The following PDGFD variants were observed in gnomAD, a reference collection of about 807,000 sequenced individuals.
PDGFD encodes platelet derived growth factor D, also known as platelet-derived growth factor D.
In PDGFD, 30 loss-of-function variants were observed where a neutral mutation model predicts 44.7. The ratio of observed to expected loss-of-function variants is 0.67; its 90% CI spans 0.50 to 0.91. The LOEUF (loss-of-function observed/expected upper bound fraction) is 0.91, where lower values mean the gene tolerates loss of function less well. Ranked by LOEUF, PDGFD falls within the 40% of genes least tolerant of loss-of-function variation. The pLI, the probability that PDGFD is intolerant of heterozygous loss-of-function variation, is 0.00. For synonymous variants in PDGFD, 173 were observed against 168.4 expected (o/e 1.03, Z -0.21); for missense variants, 445 against 457.8 (o/e 0.97, Z 0.25).
At chr11:104,004,083 T>G (rs1284695007) in intron 1 of PDGFD, among the ~76,000 whole-genome samples, 1 of 152,188 alleles carries the variant, frequency 6.6e-6, no homozygotes, top group Non-Finnish European at 1.5e-5. Context: ...CTTTTCTAAG[T>G]ATAAAAGGGG....
chr11:103,966,822 C>T (rs1591098879), intron 3 of PDGFD, among the ~76,000 whole-genome samples: 1 of 132,318 alleles, frequency 7.6e-6, no homozygotes, highest in Admixed American at 8.1e-5. Flanking sequence ...CCCTGAATCG[C>T]TGCAGGCACA....
At chr11:104,119,867 T>G (rs911808206) in intron 1 of PDGFD, among the ~76,000 whole-genome samples, 1 of 80,768 alleles carries the variant, frequency 1.2e-5, no homozygotes, top group African/African-American at 3.9e-5. Context: ...ATATTATATA[T>G]ATAATCAATT....
chr11:104,113,975 C>A (rs181116803), intron 1 of PDGFD, among the ~76,000 whole-genome samples: 139 of 152,080 alleles, frequency 9.1e-4, no homozygotes, highest in African/African-American at 2.9e-3. Context: ...GTTAAGAGTT[C>A]TTTGCATATT....
chr11:104,099,740 T>C (rs1457416115), intron 1 of PDGFD, among the ~76,000 whole-genome samples: 1 of 151,410 alleles, frequency 6.6e-6, no homozygotes, highest in African/African-American at 2.4e-5. Context: ...AATTGCTTCA[T>C]TTACTATTCT....
At chr11:103,910,101 T>C (rs531781075) in intron 6 of PDGFD, among the ~76,000 whole-genome samples, 5 of 152,304 alleles carry the variant, frequency 3.3e-5, no homozygotes, top group East Asian at 1.9e-4. Context: ...TATTTATTAA[T>C]AGCTTTCTAA....
intron 1 of PDGFD, among the ~76,000 whole-genome samples, chr11:104,013,811 G>A (rs1859821149): frequency 6.6e-6 from 1 of 151,676 alleles, no homozygotes; most frequent in South Asian, 2.1e-4. Context: ...TTGCAATTGT[G>A]GCAAAATAGA....
intron 1 of PDGFD, among the ~76,000 whole-genome samples, chr11:104,135,436 A>C (rs1861989917): frequency 6.6e-6 from 1 of 152,226 alleles, no homozygotes; most frequent in African/African-American, 2.4e-5. Flanking sequence ...AATATGTATG[A>C]AATTCCAGAA....
At position 103,989,000 on chromosome 11, in the gene PDGFD, A is replaced by T. The variant is rs187071364; in HGVS notation, c.510+7065T>A. 1.6e-4 allele frequency among the ~76,000 whole-genome samples: 25 copies of T among 152,260 alleles called. 1 individual carries two copies. In the East Asian group the frequency reaches 4.8e-3, roughly 29 times the overall value. ...GTGAAATCCTCAAAGTAATCAAAAA[A>T]GGTTAGATACTATTATTCATCTTAT... On this transcript the variant is annotated intron_variant, in intron 3 of 6. Coordinates refer to ENST00000393158, the MANE Select transcript of PDGFD (RefSeq NM_025208.5).
Position 104,046,904 on chromosome 11 carries a change from C to T in PDGFD, c.125-46649G>A, listed in dbSNP as rs766847719. On this transcript the variant is annotated intron_variant, in intron 1 of 6. Coordinates refer to ENST00000393158, the MANE Select transcript of PDGFD (RefSeq NM_025208.5). ...TATCCCTCCCCTAGCCCTCCACCCC[C>T]GACAGGCTCCAGTGTATGATGTTCC... Among the ~76,000 whole-genome samples the T allele has an allele frequency of 5.5e-5, 8 of 146,162 alleles. 2 individuals are homozygous for T. Among genetic ancestry groups the T allele is most frequent in the Non-Finnish European group, 1.2e-4 (8 of 65,584 alleles).
chr11:104,136,746 A>C (rs563110218), intron 1 of PDGFD, among the ~76,000 whole-genome samples: 1 of 152,346 alleles, frequency 6.6e-6, no homozygotes, highest in East Asian at 1.9e-4. Context: ...ACTAAATCTA[A>C]GTCAACACAC....
intron 1 of PDGFD, among the ~76,000 whole-genome samples, chr11:104,132,764 T>C (rs1861942474): frequency 6.6e-6 from 1 of 152,114 alleles, no homozygotes; most frequent in Admixed American, 6.6e-5. Flanking sequence ...AAATGGAGAT[T>C]ATGAGTACAA....
chr11:103,959,379 T>C (rs887124039), intron 3 of PDGFD, among the ~76,000 whole-genome samples: 1 of 152,218 alleles, frequency 6.6e-6, no homozygotes, highest in Non-Finnish European at 1.5e-5. Flanking sequence ...GACTTCTTTC[T>C]AAGGGGATTT....
chr11:104,042,187 G>A (rs527256184), intron 1 of PDGFD, among the ~76,000 whole-genome samples: 3 of 152,310 alleles, frequency 2.0e-5, no homozygotes, highest in Admixed American at 6.5e-5. Context: ...CGATTTATAT[G>A]GTGGGAACTG....
chr11:104,138,230 G>GA (rs1179055669), intron 1 of PDGFD, among the ~76,000 whole-genome samples: 2 of 151,832 alleles, frequency 1.3e-5, no homozygotes, highest in East Asian at 1.9e-4. Context: ...ATTAAATAGA[G>GA]AAAAAATGAC....
At chr11:104,163,759 A>T in intron 1 of PDGFD, 45 bp downstream of exon 1, 1 of 1,500,944 alleles carries the variant, frequency 6.7e-7, no homozygotes, top group Non-Finnish European at 9.0e-7. Context: ...TAACAATAGC[A>T]AACATGATTT....
At chr11:103,953,023 A>G (rs559994904) in intron 3 of PDGFD, among the ~76,000 whole-genome samples, 5 of 152,278 alleles carry the variant, frequency 3.3e-5, no homozygotes, top group South Asian at 4.1e-4. Flanking sequence ...ATAAAATCTT[A>G]AAGTGCTACA....
intron 1 of PDGFD, among the ~76,000 whole-genome samples, chr11:104,042,067 A>G (rs1446974449): frequency 1.3e-5 from 2 of 152,188 alleles, no homozygotes; most frequent in Non-Finnish European, 2.9e-5. Flanking sequence ...AACTTGCAAA[A>G]GCCTGGAAAA....
At chr11:104,101,422 A>G (rs1861377677) in intron 1 of PDGFD, among the ~76,000 whole-genome samples, 1 of 152,178 alleles carries the variant, frequency 6.6e-6, no homozygotes, top group Non-Finnish European at 1.5e-5. Flanking sequence ...TTCAAGGGGA[A>G]CTACAAACCA....
At chr11:103,924,876 C>A (rs1858280509) in intron 6 of PDGFD, among the ~76,000 whole-genome samples, 1 of 152,100 alleles carries the variant, frequency 6.6e-6, no homozygotes, top group Non-Finnish European at 1.5e-5. Flanking sequence ...AGGTTTGTTA[C>A]GTAGGTATAC....
Sources: allele counts gnomAD v4.1 joint callset (sites outside exome capture counted in the v4.1 genomes callset), GRCh38; gene constraint gnomAD v4.1.1; transcripts MANE v1.5; gene names NCBI Gene and HGNC (gene_info 2026-07-23, HGNC 2026-07-21).